Variants in PARP16 observed in about 807,000 individuals in gnomAD.
The protein encoded by PARP16 is protein mono-ADP-ribosyltransferase PARP16.
A neutral mutation model predicts 35.0 loss-of-function variants in PARP16; 31 were observed. The ratio of observed to expected loss-of-function variants is 0.88; its 90% confidence interval spans 0.66 to 1.19. The LOEUF (loss-of-function observed/expected upper bound fraction) is 1.19. PARP16 is among the 50% of genes most tolerant of loss of function. The pLI is 0.00. For missense variants in PARP16, 424 were observed against 411.2 expected (o/e 1.03, Z -0.27); for synonymous variants, 162 against 169.5 (o/e 0.96, Z 0.34).
At chr15:65,260,658 T>C (rs1173365735) in intron 5 of PARP16, among the ~76,000 whole-genome samples, 1 of 152,184 alleles carries the variant, frequency 6.6e-6, no homozygotes, top group Non-Finnish European at 1.5e-5. Context: ...CTCATGCTAT[T>C]TGTGTTTACC....
chr15:65,278,420 G>C (rs2090321510), intron 1 of PARP16, among the ~76,000 whole-genome samples: 1 of 152,234 alleles, frequency 6.6e-6, no homozygotes, highest in South Asian at 2.1e-4. Flanking sequence ...CTCTGCTGTG[G>C]GGACTAAGGA....
chr15:65,267,649 T>C (rs1434324201), intron 2 of PARP16, among the ~76,000 whole-genome samples: 1 of 130,076 alleles, frequency 7.7e-6, no homozygotes, highest in African/African-American at 2.8e-5. Flanking sequence ...ATTAAAAAAA[T>C]AAGTGGAGAT....
chr15:65,233,825 G>T (rs2088815271), downstream of PARP16, among the ~76,000 whole-genome samples: 1 of 151,842 alleles, frequency 6.6e-6, no homozygotes, highest in African/African-American at 2.4e-5. Context: ...AAAGGCAAAA[G>T]TCAGTTTCGT....
intron 1 of PARP16, among the ~76,000 whole-genome samples, chr15:65,284,854 G>T: frequency 8.9e-6 from 1 of 111,914 alleles, no homozygotes; most frequent in African/African-American, 3.4e-5. Context: ...GACTTGCTGT[G>T]TTGCCCAGGC....
chr15:65,262,133 T>C (rs2089744557), intron 4 of PARP16, among the ~76,000 whole-genome samples: 1 of 148,716 alleles, frequency 6.7e-6, no homozygotes, highest in African/African-American at 2.5e-5. Flanking sequence ...CTTTTTTCTT[T>C]CTTTTTTTTT....
At chr15:65,232,666 G>T (rs553429891), downstream of PARP16, among the ~76,000 whole-genome samples, 32 of 152,106 alleles carry the variant, frequency 2.1e-4, no homozygotes, top group Non-Finnish European at 4.4e-4. Flanking sequence ...ACTTAGGGAG[G>T]CAGAGGCAGA....
chr15:65,231,976 T>A (rs375710360), downstream of PARP16, among the ~76,000 whole-genome samples: 147 of 152,332 alleles, frequency 9.6e-4, no homozygotes, highest in African/African-American at 3.4e-3. Flanking sequence ...TTATAATTCT[T>A]TTTAAAAATT....
chr15:65,252,898 G>A (rs1567014747), intron 2 of PARP16, among the ~76,000 whole-genome samples: 1 of 152,158 alleles, frequency 6.6e-6, no homozygotes, highest in African/African-American at 2.4e-5. Context: ...GGAGGTCAAG[G>A]TGGGCAGATC....
chr15:65,262,165 C>T (rs1596015486), intron 4 of PARP16, among the ~76,000 whole-genome samples: 1 of 148,390 alleles, frequency 6.7e-6, no homozygotes, highest in Non-Finnish European at 1.5e-5. Context: ...TGGAGTCTCG[C>T]TCTGTTGCCC....
chr15:65,245,086 G>A (rs1211041690), intron 3 of PARP16, among the ~76,000 whole-genome samples: 1 of 152,190 alleles, frequency 6.6e-6, no homozygotes, highest in Non-Finnish European at 1.5e-5. Context: ...GGGGGAGTGG[G>A]GAGGCTATAG....
At chr15:65,239,452 A>AAAGAG (rs34910178) in intron 3 of PARP16, among the ~76,000 whole-genome samples, 22 of 113,096 alleles carry the variant, frequency 1.9e-4, no homozygotes, top group African/African-American at 2.8e-4. Flanking sequence ...AAAAAAAAAA[A>AAAGAG]AGAGAGAAAA....
At chr15:65,250,374 T>A (rs1367178438) in intron 2 of PARP16, among the ~76,000 whole-genome samples, 1 of 151,962 alleles carries the variant, frequency 6.6e-6, no homozygotes, top group Non-Finnish European at 1.5e-5. Flanking sequence ...CACCTCAGCC[T>A]CCCAAAGTGC....
intron 5 of PARP16, among the ~76,000 whole-genome samples, chr15:65,260,428 G>C (rs2089669881): frequency 6.6e-6 from 1 of 152,188 alleles, no homozygotes; most frequent in Non-Finnish European, 1.5e-5. Context: ...CCTCATTTTA[G>C]AGATAAAGAT....
chr15:65,283,065 T>G (rs1318352356), intron 1 of PARP16, among the ~76,000 whole-genome samples: 1 of 152,182 alleles, frequency 6.6e-6, no homozygotes, highest in Non-Finnish European at 1.5e-5. Context: ...CTGATTGCAT[T>G]CGCCAAGACC....
chr15:65,242,032 G>C (rs903728589), intron 3 of PARP16, among the ~76,000 whole-genome samples: 12 of 152,094 alleles, frequency 7.9e-5, no homozygotes, highest in African/African-American at 2.9e-4. Flanking sequence ...TGGCCCACTT[G>C]GATTAATTTT....
rs1280010570 is a variant in PARP16 at position 65,284,572 on chromosome 15, C to T, written c.174+1681G>A. Among the ~76,000 whole-genome samples, 7 of 151,666 alleles carry T rather than the reference C, an allele frequency of 4.6e-5. No individual in the cohort carries two copies. In the South Asian group the frequency reaches 8.3e-4, roughly 18 times the overall value. The stretch of plus-strand genomic sequence containing the variant: ...TGAACTCCTGACCTCGTGATCCACC[C>T]GCCTCAGCCTCCCAAAGTGCTGGGA... On this transcript the variant is annotated intron_variant, in intron 1 of 5. Coordinates refer to ENST00000649807, the MANE Select transcript of PARP16 (RefSeq NM_001316943.2).
chr15:65,242,314 T>C (rs1043916014), intron 3 of PARP16, among the ~76,000 whole-genome samples: 1 of 152,212 alleles, frequency 6.6e-6, no homozygotes, highest in Non-Finnish European at 1.5e-5. Context: ...AGTAATCTAA[T>C]TGCATAATAC....
intron 3 of PARP16, among the ~76,000 whole-genome samples, 189 bp downstream of exon 3, chr15:65,266,373 T>C (rs1285562654): frequency 6.6e-6 from 1 of 152,052 alleles, no homozygotes; most frequent in Admixed American, 6.6e-5. Flanking sequence ...GTGCCCAAGA[T>C]TTTGCATTTT....
downstream of PARP16, among the ~76,000 whole-genome samples, chr15:65,231,776 A>C (rs527340963): frequency 2.0e-4 from 30 of 152,146 alleles, no homozygotes; most frequent in African/African-American, 7.2e-4. Flanking sequence ...AGACATTGTT[A>C]TTAATGTTAA....
Sources: gnomAD v4.1 joint callset for allele counts (sites outside exome capture counted in the v4.1 genomes callset) on GRCh38, gnomAD v4.1.1 for gene constraint, MANE v1.5 for transcripts, NCBI Gene and HGNC (gene_info 2026-07-23, HGNC 2026-07-21) for gene names.